Variants in HS3ST4 observed in about 807,000 individuals in gnomAD.
HS3ST4 encodes heparan sulfate-glucosamine 3-sulfotransferase 4.
In HS3ST4, 17 loss-of-function variants were observed where a neutral mutation model predicts 29.2. That is an observed-to-expected ratio of 0.58 (90% CI 0.40 to 0.87). The LOEUF (loss-of-function observed/expected upper bound fraction) is 0.87, where lower values mean the gene tolerates loss of function less well. HS3ST4 is among the 40% of genes least tolerant of loss of function. HS3ST4 has a pLI of 0.00. For synonymous variants in HS3ST4, 314 were observed against 285.7 expected, an observed-to-expected ratio of 1.10 and a Z score of -1.00; for missense variants, 627 against 634.5, an observed-to-expected ratio of 0.99 and a Z score of 0.13.
rs571235008 is a variant in HS3ST4 at position 25,838,136 on chromosome 16, G to A, written c.734+144985G>A. Among the ~76,000 whole-genome samples the A allele has an allele frequency of 7.2e-5, 11 of 152,314 alleles. No individual in the cohort carries two copies. In the South Asian group the frequency reaches 2.3e-3, roughly 32 times the overall value. On this transcript the variant is annotated intron_variant, in intron 1 of 1. Transcript: ENST00000331351. ...GTAAATGTGCTTTGGTTTCCCAGAT[G>A]CTAAACAGGAATACTAATAGAGAAA...
chr16:26,054,269 G>GGAGAGAGAGA lies in HS3ST4; in HGVS notation c.735-81322_735-81313dup, dbSNP rs58364733. 1.8e-3 allele frequency among the ~76,000 whole-genome samples: 244 copies of GGAGAGAGAGA among 133,716 alleles called. 2 individuals carry two copies. The highest frequency in any genetic ancestry group is 6.7e-3 in the African/African-American group (235 of 35,038). 87.7% of individuals were successfully genotyped at this position (133,716 alleles called of 152,430 possible). On this transcript the variant is annotated intron_variant, in intron 1 of 1. Transcript: ENST00000331351. Reference sequence around the variant, plus strand: ...GAAGGAGAGAGAGAGACAGAGAGAGGGAGAGAGAGAGAGAGAGAGAGAGAG... The same window carrying GGAGAGAGAGA: ...GAAGGAGAGAGAGAGACAGAGAGAGGGAGAGAGAGAGAGAGAGAGAGAGAGAGAGAGAGAG...
chr16:26,063,896 A>G (rs1371181848), intron 1 of HS3ST4, among the ~76,000 whole-genome samples: 2 of 152,180 alleles, frequency 1.3e-5, no homozygotes, highest in Non-Finnish European at 2.9e-5. Context: ...GTGGGTAACT[A>G]GTAAACTCCA....
intron 1 of HS3ST4, among the ~76,000 whole-genome samples, chr16:26,049,548 C>T (rs936938708): frequency 2.0e-5 from 3 of 151,840 alleles, no homozygotes; most frequent in Admixed American, 1.3e-4. Context: ...TTTTACCTCA[C>T]AACAGTCAAC....
intron 1 of HS3ST4, among the ~76,000 whole-genome samples, chr16:26,075,532 C>T (rs1285725419): frequency 6.6e-6 from 1 of 152,214 alleles, no homozygotes; most frequent in Non-Finnish European, 1.5e-5. Flanking sequence ...ATGGATCTAA[C>T]AGGAGCCATG....
intron 1 of HS3ST4, among the ~76,000 whole-genome samples, chr16:26,135,144 A>C (rs1898262476): frequency 6.6e-6 from 1 of 152,174 alleles, no homozygotes; most frequent in African/African-American, 2.4e-5. Context: ...GTTGAGCTCA[A>C]AGATTTTCTA....
intron 1 of HS3ST4, among the ~76,000 whole-genome samples, chr16:25,763,385 G>C (rs1966800458): frequency 6.6e-6 from 1 of 152,176 alleles, no homozygotes; most frequent in Non-Finnish European, 1.5e-5. Flanking sequence ...ACTTCTACCA[G>C]ATTATGAGAA....
In HS3ST4 at chr16:25,852,742, G is replaced by A. The variant is rs115744252; in HGVS notation, c.734+159591G>A. ...TTTTAAATTAATTACATGAAATCAA[G>A]CAGTATTTCCCTTGATTATTTTGTT... On this transcript the variant is annotated intron_variant, in intron 1 of 1. Coordinates refer to ENST00000331351, the MANE Select transcript of HS3ST4 (RefSeq NM_006040.3). Among the ~76,000 whole-genome samples, 397 of 152,038 alleles carry A rather than the reference G, an allele frequency of 2.6e-3. 2 individuals are homozygous for A. Among genetic ancestry groups the A allele is most frequent in the African/African-American group, 9.2e-3 (381 of 41,472 alleles).
chr16:26,100,654 A>G (rs560619387), intron 1 of HS3ST4, among the ~76,000 whole-genome samples: 2 of 152,156 alleles, frequency 1.3e-5, no homozygotes, highest in African/African-American at 4.8e-5. Flanking sequence ...TTCCCCTCTG[A>G]TTTATGAAAA....
intron 1 of HS3ST4, among the ~76,000 whole-genome samples, chr16:25,868,280 A>G (rs947242609): frequency 6.6e-6 from 1 of 152,062 alleles, no homozygotes; most frequent in African/African-American, 2.4e-5. Flanking sequence ...GGCTGCAGCG[A>G]CTTCTATGCC....
intron 1 of HS3ST4, among the ~76,000 whole-genome samples, chr16:25,910,619 C>T (rs2141677907): frequency 6.6e-6 from 1 of 151,522 alleles, no homozygotes; most frequent in Non-Finnish European, 1.5e-5. Flanking sequence ...CCCACTCCAG[C>T]TTGGGCAACG....
intron 1 of HS3ST4, among the ~76,000 whole-genome samples, chr16:25,815,380 G>T (rs1967083254): frequency 6.6e-6 from 1 of 152,190 alleles, no homozygotes; most frequent in Non-Finnish European, 1.5e-5. Flanking sequence ...CTGAAGTGCA[G>T]TGGCTCCATC....
intron 1 of HS3ST4, among the ~76,000 whole-genome samples, chr16:25,702,031 C>G (rs1222220046): frequency 6.6e-6 from 1 of 152,214 alleles, no homozygotes; most frequent in Non-Finnish European, 1.5e-5. Context: ...CCAGCATCAT[C>G]TTTAGTGGTT....
At chr16:25,970,832 G>T (rs1402866372) in intron 1 of HS3ST4, among the ~76,000 whole-genome samples, 3 of 151,642 alleles carry the variant, frequency 2.0e-5, no homozygotes, top group African/African-American at 7.3e-5. Context: ...CCCTTTACAT[G>T]ACACCTTTTG....
chr16:25,999,897 TTA>T (rs1555477423), intron 1 of HS3ST4, among the ~76,000 whole-genome samples: 28 of 131,846 alleles, frequency 2.1e-4, no homozygotes, highest in Middle Eastern at 3.8e-3. Context: ...TATATATATT[TTA>T]TATATATATA....
chr16:25,973,105 A>G (rs1968912859), intron 1 of HS3ST4, among the ~76,000 whole-genome samples: 1 of 152,334 alleles, frequency 6.6e-6, no homozygotes, highest in East Asian at 1.9e-4. Context: ...TAAAAAATAG[A>G]GACCACAGAG....
In HS3ST4 at chr16:26,136,905, T is replaced by C. The variant is rs766016455; in HGVS notation, c.*657T>C. The C allele has an allele frequency of 6.6e-6, 1 of 152,216 alleles. No homozygotes were observed. Among genetic ancestry groups the C allele is most frequent in the Non-Finnish European group, 1.5e-5 (1 of 68,470 alleles). 9.4% of individuals were successfully genotyped at this position (152,216 alleles called of 1,614,324 possible). Reference sequence around the variant, plus strand: ...CCACACACACACACACAGAAGAAAATGAAAGCTGACACACCTCGAAGCCTT... The same window carrying C: ...CCACACACACACACACAGAAGAAAACGAAAGCTGACACACCTCGAAGCCTT... On this transcript the variant is annotated 3_prime_UTR_variant, in exon 2 of 2. Coordinates refer to ENST00000331351, the MANE Select transcript of HS3ST4 (RefSeq NM_006040.3).
chr16:25,824,522 C>T lies in HS3ST4; in HGVS notation c.734+131371C>T, dbSNP rs377198236. On this transcript the variant is annotated intron_variant, in intron 1 of 1. Transcript: ENST00000331351. ...AGAGAGCTTGTGCGGGGGAGCTCCTCTTATAAAATCATCAGATCTTATGTG... is the reference window on the plus strand; with the variant it reads ...AGAGAGCTTGTGCGGGGGAGCTCCTTTTATAAAATCATCAGATCTTATGTG... Among the ~76,000 whole-genome samples the T allele has an allele frequency of 6.6e-4, 100 of 152,262 alleles. 3 individuals are homozygous for T. The South Asian group carries it at 0.02, about 31-fold the overall frequency.
chr16:25,927,034 C>G (rs1471745284), intron 1 of HS3ST4, among the ~76,000 whole-genome samples: 7 of 151,862 alleles, frequency 4.6e-5, no homozygotes, highest in Non-Finnish European at 8.8e-5. Flanking sequence ...TGCACTCCAG[C>G]CTGGGCGACA....
intron 1 of HS3ST4, among the ~76,000 whole-genome samples, chr16:25,913,098 C>T (rs747153073): frequency 3.3e-5 from 5 of 152,260 alleles, no homozygotes; most frequent in South Asian, 4.1e-4. Flanking sequence ...CTTTGGTGAG[C>T]GAATGGAGCC....
Sources: gnomAD v4.1 joint callset for allele counts (sites outside exome capture counted in the v4.1 genomes callset) on GRCh38, gnomAD v4.1.1 for gene constraint, MANE v1.5 for transcripts, NCBI Gene and HGNC (gene_info 2026-07-23, HGNC 2026-07-21) for gene names.